MYO5A: variants seen among roughly 807,000 people sequenced by gnomAD.
MYO5A encodes the protein myosin VA, also known as unconventional myosin-Va.
In MYO5A, 98 loss-of-function variants were observed where a neutral mutation model predicts 249.7. The observed-to-expected ratio is 0.39, with a 90% CI of 0.33 to 0.46. The LOEUF is 0.46. Ranked by LOEUF, MYO5A falls within the 20% of genes least tolerant of loss-of-function variation. The probability of loss-of-function intolerance (pLI) is 0.98; values close to 1 mark genes in which losing one functional copy is unlikely to be tolerated. For synonymous variants in MYO5A, 778 were observed against 810.6 expected, an observed-to-expected ratio of 0.96 and a Z score of 0.68; for missense variants, 1,696 against 2,308.8, an observed-to-expected ratio of 0.73 and a Z score of 5.44.
chr15:52,433,344 TAAAC>T, intron 1 of MYO5A, 59 bp from the exon 2 acceptor site: 8 of 875,822 alleles, frequency 9.1e-6, no homozygotes, highest in South Asian at 2.7e-5. Flanking sequence ...CAATCATATA[TAAAC>T]ATATGATAAC....
At chr15:52,491,248 T>C (rs1013365851) in intron 1 of MYO5A, among the ~76,000 whole-genome samples, 3 of 152,228 alleles carry the variant, frequency 2.0e-5, no homozygotes, top group African/African-American at 2.4e-5. Flanking sequence ...GGCTGTTGGA[T>C]TATTCCTACC....
chr15:52,323,654 C>T (rs1197094824), intron 36 of MYO5A: 14 of 480,748 alleles, frequency 2.9e-5, no homozygotes, highest in Non-Finnish European at 4.9e-5. Flanking sequence ...TTGCCATTCA[C>T]TTTTTTGGCA....
Position 52,405,360 on chromosome 15 carries a change from C to T in MYO5A, c.980G>A (p.Arg327Gln), listed in dbSNP as rs548669169. The change falls in exon 9 of 42, where the codon CGA (arginine) becomes CAA (glutamine). Residue 327 changes from arginine (R) to glutamine (Q), a missense_variant. By Grantham distance (43) the Arg-to-Gln change is conservative. Transcript: ENST00000399233. Reference protein sequence around the residue: ...ISESHQMGIFRILAGILHLGN... With the variant: ...ISESHQMGIFQILAGILHLGN... The stretch of plus-strand genomic sequence containing the variant: ...TAAGTGAAGGATGCCAGCAAGTATT[C>T]GGAAAATTCCCATTTGATGAGATTC... 2.4e-5 allele frequency: 39 copies of T among 1,613,462 alleles called. No homozygotes were observed. The highest frequency in any genetic ancestry group is 1.3e-4 in the African/African-American group (10 of 75,012).
chr15:52,418,730 T>A (rs943698639), intron 4 of MYO5A, among the ~76,000 whole-genome samples: 1 of 132,726 alleles, frequency 7.5e-6, no homozygotes, highest in South Asian at 2.3e-4. Flanking sequence ...AAGAGAGAGA[T>A]AGAGAAAGAG....
At chr15:52,527,760 G>C (rs2077753325) in intron 1 of MYO5A, among the ~76,000 whole-genome samples, 1 of 152,234 alleles carries the variant, frequency 6.6e-6, no homozygotes, top group Admixed American at 6.5e-5. Context: ...ACTGCAACTT[G>C]GGCCCTGGAC....
chr15:52,528,920 CA>C, upstream of MYO5A: 1 of 987,372 alleles, frequency 1.0e-6, no homozygotes, highest in Non-Finnish European at 1.3e-6. Context: ...CAGGGCAGGG[CA>C]GGGCCGGGCG....
In MYO5A at chr15:52,343,103, G is replaced by A. The variant is rs1170590176; in HGVS notation, c.4040+14C>T. On this transcript the variant is annotated intron_variant, in intron 31 of 41. Transcript: ENST00000399233. ...CAAATTAATAACATTCCATTTTGAG[G>A]AGACAAATATAACCTGTTGGCTTGT... 1.3e-6 allele frequency: 2 copies of A among 1,598,728 alleles called. No homozygotes were observed. The highest frequency in any genetic ancestry group is 1.7e-6 in the Non-Finnish European group (2 of 1,166,144).
At chr15:52,396,493 C>T in intron 10 of MYO5A, 96 bp from the exon 11 acceptor site, 1 of 702,496 alleles carries the variant, frequency 1.4e-6, no homozygotes, top group Non-Finnish European at 2.5e-6. Flanking sequence ...AGAAGTGGGA[C>T]ATTCCCCAAC....
intron 14 of MYO5A, 100 bp downstream of exon 14, chr15:52,387,729 T>G: frequency 1.0e-6 from 1 of 954,188 alleles, no homozygotes; most frequent in South Asian, 1.4e-5. Context: ...TTTGGTAAAT[T>G]AAAAACTGAA....
At chr15:52,520,741 G>A (rs1386002184) in intron 1 of MYO5A, among the ~76,000 whole-genome samples, 1 of 152,162 alleles carries the variant, frequency 6.6e-6, no homozygotes, top group Admixed American at 6.5e-5. Context: ...AAATTACCCA[G>A]ACCCTCTCTA....
At chr15:52,402,181 T>C (rs779900092) in intron 9 of MYO5A, among the ~76,000 whole-genome samples, 45 of 152,216 alleles carry the variant, frequency 3.0e-4, no homozygotes, top group Non-Finnish European at 5.7e-4. Flanking sequence ...ATATTTTCTG[T>C]ATGTAGTTTT....
chr15:52,429,701 A>C (rs1028640581), intron 2 of MYO5A, among the ~76,000 whole-genome samples: 2 of 19,622 alleles, frequency 1.0e-4, no homozygotes, highest in Admixed American at 7.7e-4. Context: ...AAAAAAACAA[A>C]AAAACAAAAC....
chr15:52,513,195 C>G (rs1439084240), intron 1 of MYO5A, among the ~76,000 whole-genome samples: 2 of 151,800 alleles, frequency 1.3e-5, no homozygotes, highest in Admixed American at 1.3e-4. Flanking sequence ...CTTTGGGAGG[C>G]CGAGATGGGC....
intron 1 of MYO5A, among the ~76,000 whole-genome samples, chr15:52,501,983 A>C: frequency 6.6e-6 from 1 of 152,206 alleles, no homozygotes; most frequent in East Asian, 1.9e-4. Flanking sequence ...GCTGTTAATT[A>C]TCTTTTTTAA....
At chr15:52,385,908 G>A (rs151130521) in intron 14 of MYO5A, among the ~76,000 whole-genome samples, 2 of 152,246 alleles carry the variant, frequency 1.3e-5, no homozygotes, top group East Asian at 3.9e-4. Flanking sequence ...TACACAGACT[G>A]GCAGTCACTG....
intron 2 of MYO5A, 124 bp from the exon 3 acceptor site, chr15:52,428,693 G>T: frequency 1.0e-6 from 1 of 1,000,242 alleles, no homozygotes; most frequent in Non-Finnish European, 1.6e-6. Flanking sequence ...TATTTTCCTA[G>T]CACCTTCCAA....
chr15:52,453,225 C>T (rs2076054822), intron 1 of MYO5A, among the ~76,000 whole-genome samples: 1 of 152,056 alleles, frequency 6.6e-6, no homozygotes, highest in Non-Finnish European at 1.5e-5. Context: ...ATGCATTTTG[C>T]AACAGACCTC....
Position 52,425,970 on chromosome 15 carries a change from T to C in MYO5A, c.315A>G (p.Ile105Met). ...DSKLIYTYCGIVLVAINPYEQ... is the reference protein window; with the variant it reads ...DSKLIYTYCGMVLVAINPYEQ... ...CATAGGGATTTATAGCTACTAGGAC[T>C]ATACCTGGGAATAGGGTAGGGGACA... is the stretch of plus-strand genomic sequence containing the variant. The change falls in exon 4 of 42, where the codon ATA (isoleucine) becomes ATG (methionine). Residue 105 changes from isoleucine (I) to methionine (M), a missense_variant. This residue lies in a region of MYO5A where 197 missense variants were observed against 320.3 expected (regional missense o/e 0.62). Coordinates refer to ENST00000399233, the MANE Select transcript of MYO5A (RefSeq NM_001382347.1). 6.2e-7 allele frequency: 1 copy of C among 1,612,450 alleles called. No homozygotes were observed. Among genetic ancestry groups the C allele is most frequent in the Non-Finnish European group, 8.5e-7 (1 of 1,178,638 alleles).
rs527359862 is a variant in MYO5A at position 52,405,312 on chromosome 15, C to T, written c.1028G>A (p.Arg343Gln). The change falls in exon 9 of 42, where the codon CGA (arginine) becomes CAA (glutamine). Residue 343 changes from arginine to glutamine, a missense_variant. Arg to Gln is a conservative substitution (Grantham distance 43). Coordinates refer to ENST00000399233, the MANE Select transcript of MYO5A (RefSeq NM_001382347.1). Reference protein sequence around the residue: ...LHLGNVGFTSRDADSCTIPPK... With the variant: ...LHLGNVGFTSQDADSCTIPPK... ...AGGTATTGTGCAGCTGTCTGCATCT[C>T]GGGATGTAAATCCAACATTGCCTAA... The T allele has an allele frequency of 8.1e-5, 130 of 1,613,316 alleles. 1 individual carries two copies. Among genetic ancestry groups the T allele is most frequent in the Middle Eastern group, 6.6e-4 (4 of 6,060 alleles).
Sources: allele counts gnomAD v4.1 joint callset (sites outside exome capture counted in the v4.1 genomes callset), GRCh38; gene constraint gnomAD v4.1.1; regional missense constraint gnomAD v4.1.1; transcripts MANE v1.5; gene names NCBI Gene and HGNC (gene_info 2026-07-23, HGNC 2026-07-21).